The following ROBO2 variants were observed in gnomAD, a reference collection of about 807,000 sequenced individuals.
ROBO2 encodes the protein roundabout guidance receptor 2.
ROBO2 carries 53 observed loss-of-function variants against 160.8 expected under a neutral mutation model. The ratio of observed to expected loss-of-function variants is 0.33; its 90% CI spans 0.26 to 0.41. The LOEUF (loss-of-function observed/expected upper bound fraction) is 0.41. Ranked by LOEUF, ROBO2 falls within the 10% of genes least tolerant of loss-of-function variation. ROBO2 has a pLI of 1.00. For missense variants in ROBO2, 1,577 were observed against 1,722.4 expected (o/e 0.92, Z 1.49); for synonymous variants, 664 against 611.7 (o/e 1.09, Z -1.26).
intron 2 of ROBO2, among the ~76,000 whole-genome samples, chr3:76,304,064 A>T (rs2071202454): frequency 6.6e-6 from 1 of 152,248 alleles, no homozygotes; most frequent in African/African-American, 2.4e-5. Context: ...ACCAGAGTTA[A>T]TTCTTCAGCC....
chr3:76,756,535 G>C (rs765137688), intron 2 of ROBO2, among the ~76,000 whole-genome samples: 6 of 151,830 alleles, frequency 4.0e-5, no homozygotes, highest in Non-Finnish European at 8.8e-5. Context: ...TTATGATTAT[G>C]TTATTTAAAG....
At chr3:77,266,507 C>T (rs1421281679) in intron 2 of ROBO2, among the ~76,000 whole-genome samples, 1 of 152,116 alleles carries the variant, frequency 6.6e-6, no homozygotes, top group Non-Finnish European at 1.5e-5. Context: ...AATAGCTGAA[C>T]AAGACCTTAC....
chr3:76,287,522 A>T (rs1288175984), intron 2 of ROBO2, among the ~76,000 whole-genome samples: 1 of 151,702 alleles, frequency 6.6e-6, no homozygotes, highest in Non-Finnish European at 1.5e-5. Flanking sequence ...CTGGTCTCGA[A>T]CTCCTGACCT....
At position 76,440,454 on chromosome 3, in the gene ROBO2, T is replaced by A. The variant is rs552486536; in HGVS notation, c.109+502852T>A. ...TGTGATGTTCCCCTCCCTGTAAAAG[T>A]ACTTTACTTGAAAGGGGAGTCTAGG... On this transcript the variant is annotated intron_variant, in intron 2 of 26. Transcript: ENST00000487694. Among the ~76,000 whole-genome samples, 1,443 of 151,842 alleles carry A rather than the reference T, an allele frequency of 9.5e-3. 21 individuals carry two copies. The highest frequency in any genetic ancestry group is 0.033 in the African/African-American group (1,382 of 41,376).
At chr3:77,176,118 G>A (rs965160361) in intron 2 of ROBO2, among the ~76,000 whole-genome samples, 1 of 151,828 alleles carries the variant, frequency 6.6e-6, no homozygotes, top group Non-Finnish European at 1.5e-5. Context: ...AAGATTGAGG[G>A]AGAACTAGAA....
intron 2 of ROBO2, among the ~76,000 whole-genome samples, chr3:77,358,679 A>AAATT (rs2069484111): frequency 6.6e-6 from 1 of 152,236 alleles, no homozygotes; most frequent in African/African-American, 2.4e-5. Context: ...TAAATAGTAC[A>AAATT]TCATTTAAGT....
chr3:76,215,996 G>A (rs1703496739), intron 2 of ROBO2, among the ~76,000 whole-genome samples: 2 of 152,106 alleles, frequency 1.3e-5, no homozygotes, highest in Admixed American at 1.3e-4. Flanking sequence ...AGAGAGTGGG[G>A]GTCAATATTC....
At chr3:77,152,014 G>T (rs2077586755) in intron 2 of ROBO2, among the ~76,000 whole-genome samples, 1 of 152,042 alleles carries the variant, frequency 6.6e-6, no homozygotes, top group Non-Finnish European at 1.5e-5. Flanking sequence ...TACATTACTT[G>T]AAAACATGCA....
At chr3:77,418,162 T>C (rs2077415248) in intron 2 of ROBO2, among the ~76,000 whole-genome samples, 2 of 67,672 alleles carry the variant, frequency 3.0e-5, no homozygotes, top group African/African-American at 9.3e-5. Flanking sequence ...CAGAAAAGTA[T>C]GTGAAAAAGT....
At chr3:77,429,880 C>T (rs2078602158) in intron 2 of ROBO2, among the ~76,000 whole-genome samples, 1 of 152,062 alleles carries the variant, frequency 6.6e-6, no homozygotes, top group South Asian at 2.1e-4. Context: ...GCGGTGCTCA[C>T]TAATGACTGT....
chr3:76,476,767 A>T (rs1301607638), intron 2 of ROBO2, among the ~76,000 whole-genome samples: 2 of 152,194 alleles, frequency 1.3e-5, no homozygotes, highest in African/African-American at 4.8e-5. Context: ...CAGATGTATC[A>T]AACAGCCACG....
At chr3:76,342,377 C>T (rs986502919) in intron 2 of ROBO2, among the ~76,000 whole-genome samples, 2 of 152,090 alleles carry the variant, frequency 1.3e-5, no homozygotes, top group African/African-American at 4.8e-5. Flanking sequence ...ATACACATGC[C>T]TGAGTGTTTC....
chr3:77,450,534 G>C (rs143886573), intron 2 of ROBO2, among the ~76,000 whole-genome samples: 1 of 152,052 alleles, frequency 6.6e-6, no homozygotes, highest in African/African-American at 2.4e-5. Context: ...AGATACCCAA[G>C]AATGGTAATT....
At chr3:77,599,653 A>T (rs1185349734) in intron 19 of ROBO2, among the ~76,000 whole-genome samples, 1 of 152,102 alleles carries the variant, frequency 6.6e-6, no homozygotes, top group Non-Finnish European at 1.5e-5. Flanking sequence ...ATAATAAAAA[A>T]ATAAATAAAA....
At chr3:77,270,485 G>A (rs1429310126) in intron 2 of ROBO2, among the ~76,000 whole-genome samples, 1 of 152,086 alleles carries the variant, frequency 6.6e-6, no homozygotes, top group Non-Finnish European at 1.5e-5. Flanking sequence ...AACTGTTTGT[G>A]TAACCCAAAA....
At chr3:76,028,358 TGAA>T (rs1238662171) in intron 2 of ROBO2, among the ~76,000 whole-genome samples, 1 of 151,828 alleles carries the variant, frequency 6.6e-6, no homozygotes, top group African/African-American at 2.4e-5. Flanking sequence ...TGACAAAAGA[TGAA>T]GACACTAATA....
chr3:76,106,772 A>T (rs1437736410), intron 2 of ROBO2, among the ~76,000 whole-genome samples: 1 of 152,134 alleles, frequency 6.6e-6, no homozygotes, highest in Non-Finnish European at 1.5e-5. Flanking sequence ...ATTTGTAATG[A>T]TATTTGATTT....
At chr3:76,564,095 A>G (rs1174286254) in intron 2 of ROBO2, among the ~76,000 whole-genome samples, 4 of 152,218 alleles carry the variant, frequency 2.6e-5, no homozygotes, top group African/African-American at 9.6e-5. Context: ...AATCCCAGCT[A>G]CTTGGAAGGC....
At chr3:76,557,566 C>G (rs927250376) in intron 2 of ROBO2, among the ~76,000 whole-genome samples, 4 of 147,534 alleles carry the variant, frequency 2.7e-5, no homozygotes, top group African/African-American at 9.9e-5. Context: ...AACTGATGTC[C>G]TTGGGAGAGA....
Sources: gnomAD v4.1 joint callset for allele counts (sites outside exome capture counted in the v4.1 genomes callset) on GRCh38, gnomAD v4.1.1 for gene constraint, MANE v1.5 for transcripts, NCBI Gene and HGNC (gene_info 2026-07-23, HGNC 2026-07-21) for gene names.